Variants in PCDHA7 observed in about 807,000 individuals in gnomAD.
PCDHA7 encodes the protein protocadherin alpha 7.
PCDHA7 carries 37 observed loss-of-function variants against 57.2 expected under a neutral mutation model. The ratio of observed to expected loss-of-function variants is 0.65; its 90% CI spans 0.50 to 0.85. The LOEUF is 0.85. Among genes scored for constraint, PCDHA7 ranks in the 40% least tolerant of loss-of-function variants. The pLI is 0.00. For synonymous variants in PCDHA7, 553 were observed against 558.8 expected (o/e 0.99, Z 0.15); for missense variants, 1,188 against 1,241.8 (o/e 0.96, Z 0.65).
At chr5:140,848,969 C>T in intron 1 of PCDHA7, 2 of 1,604,404 alleles carry the variant, frequency 1.2e-6, no homozygotes, top group Non-Finnish European at 8.5e-7. Context: ...AGGGCGCGTC[C>T]GATGCAGATA....
rs148608291 is a variant in PCDHA7, at chr5:140,870,364, G to A, written c.2355+33626G>A. The stretch of plus-strand genomic sequence containing the variant: ...GGACCGCGAGAACGTGTGGGCCTAT[G>A]AACTGGTGGTGACTGCGCGGGATGG... On this transcript the variant is annotated intron_variant, in intron 1 of 3. Transcript: ENST00000525929. 1,110 of 1,614,212 alleles carry A rather than the reference G, an allele frequency of 6.9e-4. 2 individuals are homozygous for A. The highest frequency in any genetic ancestry group is 9.1e-4 in the Non-Finnish European group (1,069 of 1,180,030).
At chr5:140,852,691 T>C (rs1027871378) in intron 1 of PCDHA7, 4 of 974,686 alleles carry the variant, frequency 4.1e-6, no homozygotes, top group East Asian at 1.1e-4. Context: ...TATAGTCTTA[T>C]ACTTTCAAGT....
intron 1 of PCDHA7, among the ~76,000 whole-genome samples, chr5:140,894,025 A>G (rs1473023847): frequency 1.3e-5 from 2 of 152,232 alleles, no homozygotes; most frequent in Admixed American, 6.5e-5. Flanking sequence ...CCAGTTCTGC[A>G]TACTGGTAAT....
intron 1 of PCDHA7, chr5:140,868,190 A>G (rs1315604501): frequency 7.2e-5 from 11 of 152,160 alleles, no homozygotes; most frequent in African/African-American, 1.2e-4. Context: ...TTATGCTACT[A>G]TGGCTTACAT....
intron 2 of PCDHA7, among the ~76,000 whole-genome samples, chr5:140,980,943 T>C (rs573281233): frequency 1.6e-4 from 25 of 152,172 alleles, no homozygotes; most frequent in Non-Finnish European, 3.1e-4. Context: ...CTGAGCTGGC[T>C]CCAGGATAGT....
At chr5:140,904,206 C>T (rs2070944708) in intron 1 of PCDHA7, among the ~76,000 whole-genome samples, 1 of 151,882 alleles carries the variant, frequency 6.6e-6, no homozygotes, top group South Asian at 2.1e-4. Flanking sequence ...CCCCTAAGTC[C>T]CCAAAGTCCA....
intron 1 of PCDHA7, among the ~76,000 whole-genome samples, chr5:140,845,780 T>C (rs1273116464): frequency 6.7e-6 from 1 of 149,642 alleles, no homozygotes; most frequent in Non-Finnish European, 1.5e-5. Context: ...TATAAATTAT[T>C]AATAATAAAC....
Position 140,856,254 on chromosome 5 carries a change from G to C in PCDHA7, c.2355+19516G>C, listed in dbSNP as rs1554148458. 6.9e-6 allele frequency: 11 copies of C among 1,598,144 alleles called. No homozygotes were observed. Among genetic ancestry groups the C allele is most frequent in the Admixed American group, 1.7e-5 (1 of 59,266 alleles). ...CGCCTGTTCCGGGTGGCGTCCAAAA[G>C]ACACGGGGACCTTCTGGAGGTAAAT... On this transcript the variant is annotated intron_variant, in intron 1 of 3. Transcript: ENST00000525929.
At chr5:140,964,262 A>C (rs1327933465) in intron 1 of PCDHA7, among the ~76,000 whole-genome samples, 1 of 152,206 alleles carries the variant, frequency 6.6e-6, no homozygotes, top group Non-Finnish European at 1.5e-5. Context: ...TTGACTCCTT[A>C]ATAATTAAGG....
chr5:140,934,040 T>C (rs185239175), intron 1 of PCDHA7, among the ~76,000 whole-genome samples: 230 of 152,238 alleles, frequency 1.5e-3, no homozygotes, highest in African/African-American at 5.3e-3. Flanking sequence ...ATTAATGATA[T>C]TAGTCTTTCC....
At chr5:140,909,523 C>G (rs1265179214) in intron 1 of PCDHA7, among the ~76,000 whole-genome samples, 1 of 152,172 alleles carries the variant, frequency 6.6e-6, no homozygotes, top group Non-Finnish European at 1.5e-5. Context: ...AACCCCTGCA[C>G]ATTTTGAGTC....
At chr5:140,903,149 T>C (rs1329505317) in intron 1 of PCDHA7, among the ~76,000 whole-genome samples, 1 of 152,242 alleles carries the variant, frequency 6.6e-6, no homozygotes, top group Non-Finnish European at 1.5e-5. Context: ...CTGTTTTCCA[T>C]AGTGGTTGTG....
chr5:140,967,565 C>A, intron 1 of PCDHA7: 1 of 1,614,080 alleles, frequency 6.2e-7, no homozygotes, highest in Non-Finnish European at 8.5e-7. Context: ...CGTCCAGCTA[C>A]GGGAGGACTC....
chr5:140,961,155 G>C (rs1214072320), intron 1 of PCDHA7, among the ~76,000 whole-genome samples: 3 of 152,126 alleles, frequency 2.0e-5, no homozygotes, highest in Non-Finnish European at 4.4e-5. Context: ...TATTATTTCA[G>C]TACATATCTA....
intron 1 of PCDHA7, among the ~76,000 whole-genome samples, chr5:140,895,788 G>A (rs947578940): frequency 3.9e-5 from 6 of 152,014 alleles, no homozygotes; most frequent in East Asian, 1.9e-4. Context: ...ATTCAATGAC[G>A]TATATGTACA....
At chr5:140,856,508 G>A (rs2044043194) in intron 1 of PCDHA7, 6 of 1,598,282 alleles carry the variant, frequency 3.8e-6, no homozygotes, top group Non-Finnish European at 5.1e-6. Context: ...ATTTCCACTA[G>A]AAGGCGCATC....
chr5:141,006,504 C>T (rs911793343), intron 3 of PCDHA7, among the ~76,000 whole-genome samples: 4 of 152,022 alleles, frequency 2.6e-5, no homozygotes, highest in East Asian at 1.9e-4. Flanking sequence ...TGAGCCACCG[C>T]GCCTGGCTGT....
At chr5:140,842,935 C>G (rs1329962165) in intron 1 of PCDHA7, 2 of 1,594,326 alleles carry the variant, frequency 1.3e-6, no homozygotes, top group African/African-American at 1.3e-5. Flanking sequence ...TGAGCGCGCG[C>G]GACGCGGGCG....
intron 1 of PCDHA7, chr5:140,841,949 T>G (rs2150326373): frequency 6.2e-7 from 1 of 1,613,920 alleles, no homozygotes. Context: ...TGCGCACCAC[T>G]TATTCCTGAC....
Sources: gnomAD v4.1 joint callset for allele counts (sites outside exome capture counted in the v4.1 genomes callset) on GRCh38, gnomAD v4.1.1 for gene constraint, MANE v1.5 for transcripts, NCBI Gene and HGNC (gene_info 2026-07-23, HGNC 2026-07-21) for gene names.